The following STK32B variants were observed in gnomAD, a reference collection of about 807,000 sequenced individuals.
STK32B encodes the protein serine/threonine kinase 32B, also known as serine/threonine-protein kinase 32B.
A neutral mutation model predicts 52.6 loss-of-function variants in STK32B; 43 were observed. The ratio of observed to expected loss-of-function variants is 0.82; its 90% CI spans 0.64 to 1.05. STK32B has a LOEUF of 1.05. STK32B is among the 50% of genes least tolerant of loss of function. STK32B has a pLI of 0.00. For synonymous variants in STK32B, 238 were observed against 204.3 expected (o/e 1.17, Z -1.41); for missense variants, 621 against 534.6 (o/e 1.16, Z -1.59).
intron 2 of STK32B, among the ~76,000 whole-genome samples, chr4:5,141,133 A>G (rs1716413353): frequency 6.6e-6 from 1 of 152,210 alleles, no homozygotes; most frequent in South Asian, 2.1e-4. Flanking sequence ...ATTCAGTTCC[A>G]CAGCACACTA....
chr4:5,176,293 G>A (rs1041115511), intron 3 of STK32B, among the ~76,000 whole-genome samples: 1 of 152,120 alleles, frequency 6.6e-6, no homozygotes, highest in African/African-American at 2.4e-5. Flanking sequence ...CGCATGGTGT[G>A]CTGCACCCAC....
chr4:5,405,432 C>A (rs911079032), intron 5 of STK32B, among the ~76,000 whole-genome samples: 1 of 152,144 alleles, frequency 6.6e-6, no homozygotes, highest in Admixed American at 6.5e-5. Flanking sequence ...ATGTTTGTGT[C>A]CCCACAAAAT....
intron 1 of STK32B, among the ~76,000 whole-genome samples, chr4:5,105,771 G>A (rs1027745860): frequency 3.3e-5 from 5 of 151,774 alleles, no homozygotes; most frequent in Non-Finnish European, 7.4e-5. Context: ...CACTGTGTTA[G>A]CCAGGATGGT....
In STK32B at chr4:5,469,702, G is replaced by A. The variant is rs1209641915; in HGVS notation, c.1106+1632G>A. On this transcript the variant is annotated intron_variant, in intron 11 of 11. Coordinates refer to ENST00000282908, the MANE Select transcript of STK32B (RefSeq NM_018401.3). This position sits in a 1 kb window ranked among gnomAD's most constrained non-coding sequence, Gnocchi z 4.7. Reference sequence around the variant, plus strand: ...CAGCACAGACACACACACCAGGCTTGGGCAGCAAGCCTCACCTGCTAGAGG... The same window carrying A: ...CAGCACAGACACACACACCAGGCTTAGGCAGCAAGCCTCACCTGCTAGAGG... Among the ~76,000 whole-genome samples, 1 of 152,206 alleles carries A rather than the reference G, an allele frequency of 6.6e-6. No homozygotes were observed. The highest frequency in any genetic ancestry group is 1.5e-5 in the Non-Finnish European group (1 of 68,030).
chr4:5,035,424 C>T, the STK32B span, among the ~76,000 whole-genome samples: 1 of 152,210 alleles, frequency 6.6e-6, no homozygotes, highest in East Asian at 1.9e-4. Flanking sequence ...TGGCATATCA[C>T]ACAGCAGGAG....
intron 1 of STK32B, among the ~76,000 whole-genome samples, chr4:5,059,405 G>T (rs1742133006): frequency 6.6e-6 from 1 of 152,088 alleles, no homozygotes; most frequent in South Asian, 2.1e-4. Context: ...TTTGCTGACA[G>T]TTTTTATTGT....
At chr4:5,497,053 A>C (rs562792197) in intron 11 of STK32B, among the ~76,000 whole-genome samples, 1 of 151,552 alleles carries the variant, frequency 6.6e-6, no homozygotes, top group East Asian at 1.9e-4. Flanking sequence ...GTTTTCAACA[A>C]TTTTTTTTTA....
In STK32B at chr4:5,422,715, C is replaced by A. The variant is rs78904846; in HGVS notation, c.562+5781C>A. ...CAGAGCGGGGTACTGCTCTCCCAGTCCTCACACAGATTGTATGAACATAGT... is the reference window on the plus strand; with the variant it reads ...CAGAGCGGGGTACTGCTCTCCCAGTACTCACACAGATTGTATGAACATAGT... On this transcript the variant is annotated intron_variant, in intron 6 of 11. Coordinates refer to ENST00000282908, the MANE Select transcript of STK32B (RefSeq NM_018401.3). Among the ~76,000 whole-genome samples, 1,198 of 152,206 alleles carry A rather than the reference C, an allele frequency of 7.9e-3. 15 individuals are homozygous for A. Among genetic ancestry groups the A allele is most frequent in the African/African-American group, 0.027 (1,121 of 41,536 alleles).
chr4:5,358,183 A>G (rs532955582), intron 4 of STK32B, among the ~76,000 whole-genome samples: 1 of 152,304 alleles, frequency 6.6e-6, no homozygotes, highest in South Asian at 2.1e-4. Context: ...TTGCACCCGC[A>G]ATTGGGTGGA....
At chr4:5,498,919 T>TAA in intron 11 of STK32B, 26 bp from the exon 12 acceptor site, 1 of 1,602,358 alleles carries the variant, frequency 6.2e-7, no homozygotes. Context: ...GCCGCACCAC[T>TAA]AACTCAGATC....
intron 1 of STK32B, among the ~76,000 whole-genome samples, chr4:5,053,331 G>A (rs1172808055): frequency 6.6e-6 from 1 of 152,180 alleles, no homozygotes; most frequent in Non-Finnish European, 1.5e-5. Flanking sequence ...GAGCAGGTAA[G>A]GAGCCAGTTG....
intron 11 of STK32B, among the ~76,000 whole-genome samples, chr4:5,493,631 T>C (rs1296035142): frequency 1.3e-5 from 2 of 152,312 alleles, no homozygotes; most frequent in Non-Finnish European, 2.9e-5. Flanking sequence ...CTTTTGGATG[T>C]GTTTGCTCTT....
chr4:5,267,991 T>C (rs1027230339), intron 3 of STK32B, among the ~76,000 whole-genome samples: 3 of 152,150 alleles, frequency 2.0e-5, no homozygotes, highest in Non-Finnish European at 4.4e-5. Context: ...CTTGGGAGGT[T>C]GCTTTGGACA....
intron 3 of STK32B, among the ~76,000 whole-genome samples, chr4:5,262,798 T>G (rs183699061): frequency 1.7e-3 from 263 of 152,334 alleles, no homozygotes; most frequent in Middle Eastern, 0.01. Flanking sequence ...TTATAATCAT[T>G]GCAGAGCTTA....
At chr4:5,456,348 C>T (rs1256754892) in intron 7 of STK32B, among the ~76,000 whole-genome samples, 6 of 152,246 alleles carry the variant, frequency 3.9e-5, no homozygotes, top group Non-Finnish European at 4.4e-5. Context: ...AGACACTGGC[C>T]ATCTCAGCTC....
chr4:5,249,136 T>C (rs1277845019), intron 3 of STK32B, among the ~76,000 whole-genome samples: 5 of 152,216 alleles, frequency 3.3e-5, no homozygotes, highest in African/African-American at 4.8e-5. Context: ...TGCAGTGTGC[T>C]AACACCATTG....
chr4:5,103,242 A>G (rs1713921074), intron 1 of STK32B, among the ~76,000 whole-genome samples: 1 of 152,030 alleles, frequency 6.6e-6, no homozygotes, highest in East Asian at 1.9e-4. Context: ...CCCTGCCCTC[A>G]GCTTACGAAG....
At chr4:5,404,002 G>T (rs1440243454) in intron 5 of STK32B, among the ~76,000 whole-genome samples, 1 of 151,676 alleles carries the variant, frequency 6.6e-6, no homozygotes, top group African/African-American at 2.4e-5. Context: ...AGATTGTAGT[G>T]AGATTCTTTC....
intron 4 of STK32B, among the ~76,000 whole-genome samples, chr4:5,344,041 G>T (rs1393866): frequency 6.6e-6 from 1 of 152,218 alleles, no homozygotes; most frequent in Non-Finnish European, 1.5e-5. Context: ...ACGGTCCATA[G>T]GCAGTGCTGT....
Sources: gnomAD v4.1 joint callset for allele counts (sites outside exome capture counted in the v4.1 genomes callset) on GRCh38, gnomAD v4.1.1 for gene constraint, Gnocchi (gnomAD v3.1) non-coding constraint, MANE v1.5 for transcripts, NCBI Gene and HGNC (gene_info 2026-07-23, HGNC 2026-07-21) for gene names.